Variants in IFNAR2 observed in about 807,000 individuals in gnomAD.
IFNAR2 encodes interferon alpha and beta receptor subunit 2, also known as interferon alpha/beta receptor 2.
A neutral mutation model predicts 49.4 loss-of-function variants in IFNAR2; 30 were observed. The observed-to-expected ratio is 0.61, with a 90% confidence interval of 0.45 to 0.82. The LOEUF (loss-of-function observed/expected upper bound fraction) is 0.82. Among genes scored for constraint, IFNAR2 ranks in the 40% least tolerant of loss-of-function variants. The pLI is 0.00. For missense variants in IFNAR2, 600 were observed against 622.7 expected, an observed-to-expected ratio of 0.96 and a Z score of 0.39; for synonymous variants, 224 against 234.5, an observed-to-expected ratio of 0.96 and a Z score of 0.41.
chr21:33,248,732 G>C lies in IFNAR2; in HGVS notation c.418G>C (p.Glu140Gln), dbSNP rs749647077. The change falls in exon 6 of 9, where the codon GAG becomes CAG. Residue 140 changes from glutamate (E) to glutamine (Q), a missense_variant. Transcript: ENST00000342136. ...AGTGTCTTTTGAACCACCAGAGTTTGAGATTGTTGGTTTTACCAACCACAT... is the reference window on the plus strand; with the variant it reads ...AGTGTCTTTTGAACCACCAGAGTTTCAGATTGTTGGTTTTACCAACCACAT... Reference protein sequence around the residue: ...IDMSFEPPEFEIVGFTNHINV... With the variant: ...IDMSFEPPEFQIVGFTNHINV... 1 of 1,609,146 alleles carries C rather than the reference G, an allele frequency of 6.2e-7. No homozygotes were observed. The highest frequency in any genetic ancestry group is 8.5e-7 in the Non-Finnish European group (1 of 1,178,240).
intron 1 of IFNAR2, among the ~76,000 whole-genome samples, chr21:33,234,289 G>A (rs1199291507): frequency 1.3e-5 from 2 of 151,274 alleles, no homozygotes; most frequent in Admixed American, 1.3e-4. Flanking sequence ...AGTTTTTACA[G>A]AAGAAAAAAG....
chr21:33,252,451 AAT>A, intron 6 of IFNAR2: 1 of 985,012 alleles, frequency 1.0e-6, no homozygotes, highest in Non-Finnish European at 1.2e-6. Context: ...ATGGTTATAA[AAT>A]ATGTGTGTGT....
chr21:33,232,212 A>G (rs1411058294), intron 1 of IFNAR2, among the ~76,000 whole-genome samples: 1 of 152,220 alleles, frequency 6.6e-6, no homozygotes, highest in Non-Finnish European at 1.5e-5. Flanking sequence ...AATTTGTGAA[A>G]TATTAGTGAG....
At chr21:33,251,704 A>G in intron 6 of IFNAR2, 1 of 985,064 alleles carries the variant, frequency 1.0e-6, no homozygotes, top group Non-Finnish European at 1.2e-6. Flanking sequence ...ACATGATACA[A>G]AAGTTATTAT....
chr21:33,242,409 A>G (rs1987004061), intron 2 of IFNAR2, among the ~76,000 whole-genome samples: 1 of 152,064 alleles, frequency 6.6e-6, no homozygotes, highest in South Asian at 2.1e-4. Context: ...AAGTACTTAA[A>G]CAAAAACAAG....
At chr21:33,258,008 G>T (rs1330214091) in intron 7 of IFNAR2, among the ~76,000 whole-genome samples, 1 of 152,166 alleles carries the variant, frequency 6.6e-6, no homozygotes, top group Non-Finnish European at 1.5e-5. Context: ...TGGGTGTGAT[G>T]AAATTGAAGA....
intron 2 of IFNAR2, 140 bp downstream of exon 2, chr21:33,242,117 G>C: frequency 1.5e-6 from 1 of 668,502 alleles, no homozygotes; most frequent in Admixed American, 2.9e-5. Context: ...GGAGTTAAGT[G>C]GAAAGCAAAT....
rs927404048 is a variant in IFNAR2 at position 33,263,920 on chromosome 21, T to A, written c.*420T>A. The A allele has an allele frequency of 6.5e-6, 1 of 154,936 alleles. No individual in the cohort carries two copies. Among genetic ancestry groups the A allele is most frequent in the African/African-American group, 2.4e-5 (1 of 41,064 alleles). 9.6% of individuals were successfully genotyped at this position (154,936 alleles called of 1,614,324 possible). On this transcript the variant is annotated 3_prime_UTR_variant, in exon 9 of 9. Coordinates refer to ENST00000342136, the MANE Select transcript of IFNAR2 (RefSeq NM_001289125.3). ...CCCAAGCTGGAGCGCAATGGTGTGA[T>A]CTTGGCTCACTGCAACATCCGCCTC...
At chr21:33,243,749 A>G (rs755397047) in intron 3 of IFNAR2, 35 bp downstream of exon 3, 15 of 1,490,322 alleles carry the variant, frequency 1.0e-5, no homozygotes, top group East Asian at 9.0e-5. Context: ...TAAATTTTGT[A>G]TAAGAGTGAA....
At position 33,265,183 on chromosome 21, in the gene IFNAR2, C is replaced by T. The variant is rs1988882886; in HGVS notation, c.*1683C>T. 1 of 152,082 alleles carries T rather than the reference C, an allele frequency of 6.6e-6. No homozygotes were observed. The highest frequency in any genetic ancestry group is 2.4e-5 in the African/African-American group (1 of 41,382). 9.4% of individuals were successfully genotyped at this position (152,082 alleles called of 1,614,324 possible). A position where few individuals can be genotyped will look rare whatever the true frequency, so the allele number is the denominator to read the frequency against. On this transcript the variant is annotated 3_prime_UTR_variant, in exon 9 of 9. Coordinates refer to ENST00000342136, the MANE Select transcript of IFNAR2 (RefSeq NM_001289125.3). ...GGTAATCTCCAAGATCCTAGGAACCCAGGAGAAAGATGAGAAAATGTACAA... is the reference window on the plus strand; with the variant it reads ...GGTAATCTCCAAGATCCTAGGAACCTAGGAGAAAGATGAGAAAATGTACAA...
rs1950251185 is a variant in IFNAR2 at position 33,230,435 on chromosome 21, G to A, written c.-84+219G>A. Reference sequence around the variant, plus strand: ...CACCTGCGACCCCAGGACCCCTCCCGGGCCCTGTCCTGCGCCCTCCACGCG... The same window carrying A: ...CACCTGCGACCCCAGGACCCCTCCCAGGCCCTGTCCTGCGCCCTCCACGCG... On this transcript the variant is annotated intron_variant, in intron 1 of 8. Coordinates refer to ENST00000342136, the MANE Select transcript of IFNAR2 (RefSeq NM_001289125.3). This position sits in a 1 kb window ranked among gnomAD's most constrained non-coding sequence, Gnocchi z 5.5. 6.4e-6 allele frequency: 3 copies of A among 468,554 alleles called. No individual in the cohort carries two copies. Among genetic ancestry groups the A allele is most frequent in the South Asian group, 3.2e-5 (2 of 62,086 alleles). 29.0% of individuals were successfully genotyped at this position (468,554 alleles called of 1,614,324 possible).
chr21:33,251,865 T>G, intron 6 of IFNAR2: 1 of 684,848 alleles, frequency 1.5e-6, no homozygotes, highest in South Asian at 6.5e-5. Flanking sequence ...GGCAGATCGC[T>G]TGCGGTCAGG....
At chr21:33,240,049 G>A (rs1354714275) in intron 1 of IFNAR2, among the ~76,000 whole-genome samples, 1 of 144,918 alleles carries the variant, frequency 6.9e-6, no homozygotes, top group Admixed American at 6.8e-5. Flanking sequence ...ACAGGTTCTG[G>A]AGTCTCCCTT....
chr21:33,241,932 AGCCAGAAT>A lies in IFNAR2; in HGVS notation c.14_21del (p.Gln5LeufsTer7), dbSNP rs775090074. ...TCTAAAAATAGCAAAGATGCTTTTG[AGCCAGAAT>A]GCCTTCATCTTCAGATCACTTAATT... On this transcript the variant is annotated frameshift_variant, in exon 2 of 9. Transcript: ENST00000342136. LOFTEE classifies it high-confidence loss of function. 1 of 1,612,786 alleles carries A rather than the reference AGCCAGAAT, an allele frequency of 6.2e-7. No homozygotes were observed. The highest frequency in any genetic ancestry group is 2.2e-5 in the East Asian group (1 of 44,806).
At chr21:33,240,132 A>G (rs898547194) in intron 1 of IFNAR2, among the ~76,000 whole-genome samples, 1 of 152,194 alleles carries the variant, frequency 6.6e-6, no homozygotes, top group Non-Finnish European at 1.5e-5. Context: ...TGGTTTGCCT[A>G]CAGCCCTCTC....
rs1437226681 is a variant in IFNAR2 at position 33,262,552 on chromosome 21, T to C, written c.841-241T>C. 5.7e-6 allele frequency: 4 copies of C among 697,694 alleles called. No individual in the cohort carries two copies. In the Admixed American group the frequency reaches 6.2e-5, roughly 11 times the overall value. 43.2% of individuals were successfully genotyped at this position (697,694 alleles called of 1,614,324 possible). A position where few individuals can be genotyped will look rare whatever the true frequency, so the allele number is the denominator to read the frequency against. ...TCAATCTCATTAAGTTTATTTTTTA[T>C]TTTTTTAGAGGCAAGGTCTCGCTAA... On this transcript the variant is annotated intron_variant, in intron 8 of 8. Transcript: ENST00000342136.
chr21:33,263,575 C>T lies in IFNAR2; in HGVS notation c.*75C>T. ...TTGTCTCTGCATCCTAACTTGCTGCCTTATCGTCTGCAAGTGTTCTCCAAG... is the reference window on the plus strand; with the variant it reads ...TTGTCTCTGCATCCTAACTTGCTGCTTTATCGTCTGCAAGTGTTCTCCAAG... On this transcript the variant is annotated 3_prime_UTR_variant, in exon 9 of 9. Coordinates refer to ENST00000342136, the MANE Select transcript of IFNAR2 (RefSeq NM_001289125.3). The T allele has an allele frequency of 7.2e-7, 1 of 1,397,590 alleles. No homozygotes were observed. The highest frequency in any genetic ancestry group is 9.6e-7 in the Non-Finnish European group (1 of 1,043,150). 86.6% of individuals were successfully genotyped at this position (1,397,590 alleles called of 1,614,324 possible).
intron 7 of IFNAR2, among the ~76,000 whole-genome samples, chr21:33,259,832 ACTT>A (rs1988445700): frequency 6.6e-6 from 1 of 152,126 alleles, no homozygotes; most frequent in Non-Finnish European, 1.5e-5. Context: ...TTTTTACTGA[ACTT>A]CTTTCTATTC....
intron 2 of IFNAR2, among the ~76,000 whole-genome samples, chr21:33,242,916 G>A (rs1360353519): frequency 2.0e-5 from 3 of 150,120 alleles, no homozygotes; most frequent in Non-Finnish European, 3.0e-5. Context: ...AGCCTCCCAA[G>A]TAGACGGGAT....
Sources: gnomAD v4.1 joint callset for allele counts (sites outside exome capture counted in the v4.1 genomes callset) on GRCh38, gnomAD v4.1.1 for gene constraint, Gnocchi (gnomAD v3.1) non-coding constraint, MANE v1.5 for transcripts, NCBI Gene and HGNC (gene_info 2026-07-23, HGNC 2026-07-21) for gene names.